The following HLF variants were observed in gnomAD, a reference collection of about 807,000 sequenced individuals.
HLF encodes HLF transcription factor, PAR bZIP family member, also known as hepatic leukemia factor.
Under a neutral mutation model 22.6 loss-of-function variants are expected in HLF, and 3 were observed. That is an observed-to-expected ratio of 0.13 (90% CI 0.06 to 0.34). The LOEUF (loss-of-function observed/expected upper bound fraction) is 0.34, where lower values mean the gene tolerates loss of function less well. Among genes scored for constraint, HLF ranks in the 10% least tolerant of loss-of-function variants. HLF has a pLI of 1.00. For synonymous variants in HLF, 151 were observed against 151.8 expected (o/e 0.99, Z 0.04); for missense variants, 299 against 389.2 (o/e 0.77, Z 1.95).
intron 2 of HLF, 142 bp downstream of exon 2, chr17:55,268,228 C>A (rs939975328): frequency 1.2e-5 from 7 of 583,818 alleles, no homozygotes; most frequent in Non-Finnish European, 1.8e-5. Context: ...CCACTCCTGG[C>A]AGAGGCTCTC....
chr17:55,299,205 T>C (rs147619176), intron 2 of HLF, among the ~76,000 whole-genome samples: 115 of 152,364 alleles, frequency 7.5e-4, no homozygotes, highest in African/African-American at 2.7e-3. Context: ...GATGACTCTG[T>C]GGAATTAACT....
chr17:55,315,652 C>T (rs1430042020), intron 3 of HLF, among the ~76,000 whole-genome samples: 1 of 152,060 alleles, frequency 6.6e-6, no homozygotes, highest in African/African-American at 2.4e-5. Flanking sequence ...TGATGCTGAA[C>T]AGAAACAAGG....
intron 1 of HLF, chr17:55,266,423 C>G (rs569691004): frequency 2.0e-5 from 3 of 152,366 alleles, no homozygotes; most frequent in East Asian, 1.9e-4. Flanking sequence ...TGGGTTGATG[C>G]GATTTCATGC....
intron 2 of HLF, among the ~76,000 whole-genome samples, chr17:55,295,778 C>A (rs1211020509): frequency 6.6e-6 from 1 of 152,162 alleles, no homozygotes; most frequent in East Asian, 1.9e-4. Flanking sequence ...GGCTGCCTGC[C>A]TTTGTAGAAC....
chr17:55,308,802 T>C (rs1346590897), intron 2 of HLF, among the ~76,000 whole-genome samples: 1 of 152,184 alleles, frequency 6.6e-6, no homozygotes, highest in Non-Finnish European at 1.5e-5. Flanking sequence ...CGTACACAAA[T>C]AAAGGCTTAT....
chr17:55,295,422 A>G (rs2081102812), intron 2 of HLF, among the ~76,000 whole-genome samples: 1 of 152,258 alleles, frequency 6.6e-6, no homozygotes, highest in Non-Finnish European at 1.5e-5. Context: ...CAGAAAATTT[A>G]AAACGTTTAT....
chr17:55,320,920 T>C lies in HLF; in HGVS notation c.*41T>C, dbSNP rs1274426620. The C allele has an allele frequency of 1.3e-6, 2 of 1,512,488 alleles. No individual in the cohort carries two copies. The highest frequency in any genetic ancestry group is 1.8e-6 in the Non-Finnish European group (2 of 1,102,532). The allele number at this position is 1,512,488 out of a possible 1,614,324, so 93.7% of individuals were successfully genotyped here. The stretch of plus-strand genomic sequence containing the variant: ...GGCTGGCTTTGGAATAGATGGACAG[T>C]TTGTTTCCTGTCTGATAGCACCACA... On this transcript the variant is annotated 3_prime_UTR_variant, in exon 4 of 4. Transcript: ENST00000226067. This position sits in a 1 kb window ranked among gnomAD's most constrained non-coding sequence, Gnocchi z 4.2.
intron 2 of HLF, among the ~76,000 whole-genome samples, chr17:55,300,414 A>T (rs1214135876): frequency 1.3e-5 from 2 of 152,138 alleles, no homozygotes; most frequent in Non-Finnish European, 2.9e-5. Context: ...TCAGATTATA[A>T]CATCTGCATC....
chr17:55,296,106 G>A (rs2145340012), intron 2 of HLF, among the ~76,000 whole-genome samples: 1 of 152,242 alleles, frequency 6.6e-6, no homozygotes, highest in Non-Finnish European at 1.5e-5. Context: ...CTGAGTGATT[G>A]CCTCCGGAGC....
rs1275677072 is a variant in HLF, at chr17:55,325,076, T to G, written c.*4197T>G. On this transcript the variant is annotated 3_prime_UTR_variant, in exon 4 of 4. Coordinates refer to ENST00000226067, the MANE Select transcript of HLF (RefSeq NM_002126.5). ...GAATTTTTTCCTTTCTTTCATGTAT[T>G]TTTATTAACAGTTGGCTAGCAATGG... The G allele has an allele frequency of 4.9e-6, 1 of 205,074 alleles. No homozygotes were observed. The highest frequency in any genetic ancestry group is 7.4e-5 in the East Asian group (1 of 13,436). The allele number at this position is 205,074 out of a possible 1,614,324, so 12.7% of individuals were successfully genotyped here. A position where few individuals can be genotyped will look rare whatever the true frequency, so the allele number is the denominator to read the frequency against.
chr17:55,311,548 A>G (rs537992444), intron 2 of HLF, among the ~76,000 whole-genome samples: 12 of 152,292 alleles, frequency 7.9e-5, no homozygotes, highest in South Asian at 2.1e-4. Flanking sequence ...AGTTGTGCAT[A>G]TCAGATTGCC....
At chr17:55,289,001 A>C in intron 2 of HLF, 69 of 916,938 alleles carry the variant, frequency 7.5e-5, no homozygotes, top group East Asian at 1.2e-4. Context: ...GAGAAGCTCC[A>C]TGTTGGGTGT....
In HLF at chr17:55,267,711, C is replaced by T. The variant is rs777681481; in HGVS notation, c.116-40C>T. On this transcript the variant is annotated intron_variant, in intron 1 of 3. Transcript: ENST00000226067. ...AAAAGAGCGGTATTGTTTTTCTTTT[C>T]TTTCTTTTTTTTTAAGTCCAGCTTT... The T allele has an allele frequency of 3.5e-6, 5 of 1,412,212 alleles. No individual in the cohort carries two copies. In the African/African-American group the frequency reaches 5.8e-5, roughly 16 times the overall value. The allele number at this position is 1,412,212 out of a possible 1,614,324, so 87.5% of individuals were successfully genotyped here.
In HLF at chr17:55,321,039, A is replaced by G; in HGVS notation, c.*160A>G. 2 of 621,134 alleles carry G rather than the reference A, an allele frequency of 3.2e-6. No homozygotes were observed. Among genetic ancestry groups the G allele is most frequent in the Non-Finnish European group, 5.8e-6 (2 of 346,366 alleles). The allele number at this position is 621,134 out of a possible 1,614,324, so 38.5% of individuals were successfully genotyped here. A position where few individuals can be genotyped will look rare whatever the true frequency, so the allele number is the denominator to read the frequency against. On this transcript the variant is annotated 3_prime_UTR_variant, in exon 4 of 4. Coordinates refer to ENST00000226067, the MANE Select transcript of HLF (RefSeq NM_002126.5). ...TGCATCTGTGTGTGTGTGCGTGTAT[A>G]TGTGCTTGTGCTCATGTGTGTGGTC...
intron 2 of HLF, among the ~76,000 whole-genome samples, chr17:55,280,537 T>C (rs1004852981): frequency 2.2e-4 from 33 of 152,332 alleles, no homozygotes; most frequent in African/African-American, 7.7e-4. Flanking sequence ...GAATTTAGAA[T>C]ACATTTCCTT....
chr17:55,283,285 T>C (rs1325148185), intron 2 of HLF, among the ~76,000 whole-genome samples: 2 of 152,130 alleles, frequency 1.3e-5, no homozygotes, highest in Non-Finnish European at 2.9e-5. Flanking sequence ...GATAGTAGGT[T>C]TCATCTTGCA....
At chr17:55,295,660 G>A (rs1287233053) in intron 2 of HLF, among the ~76,000 whole-genome samples, 1 of 152,228 alleles carries the variant, frequency 6.6e-6, no homozygotes, top group Non-Finnish European at 1.5e-5. Flanking sequence ...TAGTGGGAGG[G>A]CAGGCAAACT....
At chr17:55,307,842 A>C (rs1190112907) in intron 2 of HLF, among the ~76,000 whole-genome samples, 4 of 152,018 alleles carry the variant, frequency 2.6e-5, no homozygotes, top group South Asian at 2.1e-4. Context: ...AAAAAAAAAA[A>C]AAAACATCAA....
At chr17:55,267,649 G>A (rs1404448191) in intron 1 of HLF, 102 bp from the exon 2 acceptor site, 29 of 783,568 alleles carry the variant, frequency 3.7e-5, no homozygotes, top group Admixed American at 6.1e-5. Flanking sequence ...CCTGCCATTC[G>A]TGAGAAATAG....
Sources: allele counts gnomAD v4.1 joint callset (sites outside exome capture counted in the v4.1 genomes callset), GRCh38; gene constraint gnomAD v4.1.1; non-coding constraint Gnocchi (gnomAD v3.1); transcripts MANE v1.5; gene names NCBI Gene and HGNC (gene_info 2026-07-23, HGNC 2026-07-21).